The following SMURF1 variants were observed in gnomAD, a reference collection of about 807,000 sequenced individuals.
The protein encoded by SMURF1 is SMAD specific E3 ubiquitin protein ligase 1.
In SMURF1, 44 loss-of-function variants were observed where a neutral mutation model predicts 98.0. The observed-to-expected ratio is 0.45, with a 90% CI of 0.35 to 0.58. SMURF1 has a LOEUF of 0.58. Among genes scored for constraint, SMURF1 ranks in the 20% least tolerant of loss-of-function variants. The pLI is 0.00. For synonymous variants in SMURF1, 396 were observed against 374.9 expected, an observed-to-expected ratio of 1.06 and a Z score of -0.65; for missense variants, 687 against 938.4, an observed-to-expected ratio of 0.73 and a Z score of 3.50.
In SMURF1 at chr7:99,035,680, C is replaced by T. The variant is rs1562996531; in HGVS notation, c.1846G>A (p.Asp616Asn). 3 of 1,614,130 alleles carry T rather than the reference C, an allele frequency of 1.9e-6. No individual in the cohort carries two copies. Among genetic ancestry groups the T allele is most frequent in the Admixed American group, 1.7e-5 (1 of 60,020 alleles). The change falls in exon 16 of 18, where the codon GAC becomes AAC. Residue 616 changes from aspartate (D) to asparagine (N), a missense_variant. By Grantham distance (23) the Asp-to-Asn change is conservative. Transcript: ENST00000361368. Reference protein sequence around the residue: ...IGGLDKIDLNDWKSNTRLKHC... With the variant: ...IGGLDKIDLNNWKSNTRLKHC... Reference sequence around the variant, plus strand: ...TTCAGCCGCGTGTTCGACTTCCAGTCGTTCAAGTCTATTTTATCCAGGCCG... The same window carrying T: ...TTCAGCCGCGTGTTCGACTTCCAGTTGTTCAAGTCTATTTTATCCAGGCCG...
At chr7:99,045,634 A>G (rs780486272) in intron 11 of SMURF1, 64 bp downstream of exon 11, 1 of 1,387,858 alleles carries the variant, frequency 7.2e-7, no homozygotes. Context: ...GAGAAGGGCA[A>G]ATGACTTCTC....
chr7:99,074,270 A>C (rs1171130503), intron 1 of SMURF1, among the ~76,000 whole-genome samples: 1 of 152,236 alleles, frequency 6.6e-6, no homozygotes, highest in African/African-American at 2.4e-5. Context: ...CTGGATGCTA[A>C]TTATATACAT....
chr7:99,033,168 G>T (rs1462228567), intron 16 of SMURF1, 47 bp from the exon 17 acceptor site: 1 of 1,535,696 alleles, frequency 6.5e-7, no homozygotes, highest in Admixed American at 2.0e-5. Flanking sequence ...TTACAGCCGT[G>T]GCGCTTCCCG....
At chr7:99,071,133 C>T (rs1484602269) in intron 1 of SMURF1, among the ~76,000 whole-genome samples, 1 of 150,870 alleles carries the variant, frequency 6.6e-6, no homozygotes, top group African/African-American at 2.4e-5. Context: ...GATCTCAGCT[C>T]GTTGCAAACT....
intron 1 of SMURF1, among the ~76,000 whole-genome samples, chr7:99,097,477 A>C (rs1399188863): frequency 1.3e-5 from 2 of 152,220 alleles, no homozygotes; most frequent in African/African-American, 2.4e-5. Flanking sequence ...GATTGATGAC[A>C]TTAAAAAAGG....
At chr7:99,115,265 GAGA>G (rs1041920878) in intron 1 of SMURF1, among the ~76,000 whole-genome samples, 14 of 152,234 alleles carry the variant, frequency 9.2e-5, no homozygotes, top group Admixed American at 1.3e-4. Context: ...GGAAAAAGGA[GAGA>G]AGATTTCAAT....
At position 99,096,251 on chromosome 7, in the gene SMURF1, T is replaced by C. The variant is rs73147610; in HGVS notation, c.56-34414A>G. Among the ~76,000 whole-genome samples, 535 of 152,298 alleles carry C rather than the reference T, an allele frequency of 3.5e-3. 2 individuals carry two copies. Among genetic ancestry groups the C allele is most frequent in the Non-Finnish European group, 5.6e-3 (381 of 68,020 alleles). ...GGTAACAAATAGCACTGCAAAGGTT[T>C]TGAAAACAAGTGACATTGAAACCAC... On this transcript the variant is annotated intron_variant, in intron 1 of 17. Coordinates refer to ENST00000361368, the MANE Select transcript of SMURF1 (RefSeq NM_181349.3).
intron 1 of SMURF1, among the ~76,000 whole-genome samples, chr7:99,077,010 AAG>A (rs200846929): frequency 0.011 from 1,614 of 152,166 alleles, 24 homozygotes; most frequent in African/African-American, 0.036. Context: ...AAAAACAAAA[AAG>A]GTTACAGAAC....
chr7:99,101,136 T>TG (rs1314022708), intron 1 of SMURF1, among the ~76,000 whole-genome samples: 6 of 152,216 alleles, frequency 3.9e-5, no homozygotes, highest in South Asian at 2.1e-4. Flanking sequence ...TGAAGAAATA[T>TG]GGGGGGGTAG....
At chr7:99,071,846 G>A (rs1372448832) in intron 1 of SMURF1, among the ~76,000 whole-genome samples, 1 of 152,034 alleles carries the variant, frequency 6.6e-6, no homozygotes, top group Non-Finnish European at 1.5e-5. Flanking sequence ...GGCTGAGGCA[G>A]GAAGATTCCT....
intron 1 of SMURF1, among the ~76,000 whole-genome samples, chr7:99,129,193 A>G (rs1162964753): frequency 6.6e-6 from 1 of 152,228 alleles, no homozygotes; most frequent in Admixed American, 6.5e-5. Flanking sequence ...ATTTTGCAAT[A>G]TAATTACCTG....
intron 1 of SMURF1, among the ~76,000 whole-genome samples, chr7:99,131,584 A>C (rs978650791): frequency 2.0e-5 from 3 of 152,166 alleles, no homozygotes; most frequent in Non-Finnish European, 4.4e-5. Flanking sequence ...TCTCTACAAA[A>C]AGTTTAAAAA....
In SMURF1 at chr7:99,039,513, A is replaced by C. The variant is rs535288894; in HGVS notation, c.1550+865T>G. Among the ~76,000 whole-genome samples the C allele has an allele frequency of 3.3e-5, 5 of 152,062 alleles. No homozygotes were observed. The South Asian group carries it at 1.0e-3, about 32-fold the overall frequency. ...GGCATGTGCCACACCTGGCTTTTTA[A>C]AATTTTTTTAATTTTAGTAGGGACG... On this transcript the variant is annotated intron_variant, in intron 13 of 17. Transcript: ENST00000361368.
chr7:99,072,435 G>C (rs1281718944), intron 1 of SMURF1, among the ~76,000 whole-genome samples: 1 of 152,056 alleles, frequency 6.6e-6, no homozygotes, highest in South Asian at 2.1e-4. Flanking sequence ...CCTGAGGTCA[G>C]GAGTTTGAGA....
chr7:99,054,786 G>A lies in SMURF1; in HGVS notation c.479+4C>T, dbSNP rs368797845. The A allele has an allele frequency of 2.4e-5, 39 of 1,613,490 alleles. No homozygotes were observed. Among genetic ancestry groups the A allele is most frequent in the South Asian group, 8.8e-5 (8 of 91,068 alleles). On this transcript the variant is annotated splice_donor_region_variant and intron_variant, in intron 6 of 17. Coordinates refer to ENST00000361368, the MANE Select transcript of SMURF1 (RefSeq NM_181349.3). ...AGCCCGCCTCTTGCTGTGGTTATACGTACCCTTCATTTTCTAACAGTCCTC... is the reference window on the plus strand; with the variant it reads ...AGCCCGCCTCTTGCTGTGGTTATACATACCCTTCATTTTCTAACAGTCCTC...
At chr7:99,112,092 T>C (rs966794934) in intron 1 of SMURF1, among the ~76,000 whole-genome samples, 10 of 152,188 alleles carry the variant, frequency 6.6e-5, no homozygotes, top group African/African-American at 2.2e-4. Context: ...TTAGGGAATA[T>C]GGGCTTCATT....
intron 1 of SMURF1, among the ~76,000 whole-genome samples, chr7:99,067,954 C>T (rs572527026): frequency 6.6e-6 from 1 of 152,120 alleles, no homozygotes; most frequent in Non-Finnish European, 1.5e-5. Flanking sequence ...ACTATCCCCC[C>T]CACCAAAAAA....
chr7:99,040,377 C>A lies in SMURF1; in HGVS notation c.1550+1G>T. The A allele has an allele frequency of 1.3e-6, 2 of 1,510,602 alleles. No homozygotes were observed. Among genetic ancestry groups the A allele is most frequent in the Non-Finnish European group, 1.8e-6 (2 of 1,127,026 alleles). The allele number at this position is 1,510,602 out of a possible 1,614,324, so 93.6% of individuals were successfully genotyped here. A position where few individuals can be genotyped will look rare whatever the true frequency, so the allele number is the denominator to read the frequency against. ...GTGACCGGCCGTCAGTCAATACTTA[C>A]AGGATCCACACCAAGCTCTTATGCA... On this transcript the variant is annotated splice_donor_variant, in intron 13 of 17. Transcript: ENST00000361368. LOFTEE classifies it high-confidence loss of function.
chr7:99,045,941 T>G, intron 10 of SMURF1, 140 bp from the exon 11 acceptor site: 1 of 656,958 alleles, frequency 1.5e-6, no homozygotes, highest in South Asian at 1.9e-5. Context: ...AGAATGTTTC[T>G]TCGGCATCTA....
Sources: allele counts gnomAD v4.1 joint callset (sites outside exome capture counted in the v4.1 genomes callset), GRCh38; gene constraint gnomAD v4.1.1; transcripts MANE v1.5; gene names NCBI Gene and HGNC (gene_info 2026-07-23, HGNC 2026-07-21).